Variants in CHN2 observed in about 807,000 individuals in gnomAD.
CHN2 encodes the protein beta-chimaerin.
CHN2 carries 35 observed loss-of-function variants against 56.3 expected under a neutral mutation model. That is an observed-to-expected ratio of 0.62 (90% CI 0.47 to 0.82). The LOEUF (loss-of-function observed/expected upper bound fraction) is 0.82. CHN2 is among the 40% of genes least tolerant of loss of function. The pLI, the probability that CHN2 is intolerant of heterozygous loss-of-function variation, is 0.00. For synonymous variants in CHN2, 210 were observed against 212.8 expected, an observed-to-expected ratio of 0.99 and a Z score of 0.12; for missense variants, 491 against 580.5, an observed-to-expected ratio of 0.85 and a Z score of 1.58.
At chr7:29,212,273 T>C in intron 1 of CHN2, 1 of 1,020,394 alleles carries the variant, frequency 9.8e-7, no homozygotes, top group Non-Finnish European at 1.5e-6. Flanking sequence ...ACCTCTTAAA[T>C]TTTTTCCCCC....
intron 1 of CHN2, among the ~76,000 whole-genome samples, chr7:29,241,326 C>T (rs896568970): frequency 6.6e-6 from 1 of 152,152 alleles, no homozygotes; most frequent in Non-Finnish European, 1.5e-5. Flanking sequence ...CAGGGTCTCT[C>T]ACTAGGCCAG....
chr7:29,311,866 A>G (rs985659012), intron 1 of CHN2, among the ~76,000 whole-genome samples: 8 of 152,256 alleles, frequency 5.3e-5, no homozygotes, highest in Non-Finnish European at 1.0e-4. Flanking sequence ...AATAAGCAAG[A>G]AAACAGATCA....
chr7:29,215,847 A>G (rs1785296238), intron 1 of CHN2, among the ~76,000 whole-genome samples: 1 of 152,114 alleles, frequency 6.6e-6, no homozygotes, highest in African/African-American at 2.4e-5. Flanking sequence ...TTGGCTTTAA[A>G]TTATGCACTC....
intron 1 of CHN2, among the ~76,000 whole-genome samples, chr7:29,349,663 T>G (rs1797726243): frequency 6.6e-6 from 1 of 152,234 alleles, no homozygotes; most frequent in African/African-American, 2.4e-5. Context: ...ATAGAATTGC[T>G]GAGTCAAAAG....
chr7:29,350,988 A>G (rs902759646), intron 1 of CHN2, among the ~76,000 whole-genome samples: 29 of 151,910 alleles, frequency 1.9e-4, no homozygotes, highest in African/African-American at 6.8e-4. Context: ...GGCACTTGCA[A>G]TCCCAGCTGC....
chr7:29,328,701 G>C (rs1795992119), intron 1 of CHN2, among the ~76,000 whole-genome samples: 2 of 151,198 alleles, frequency 1.3e-5, no homozygotes, highest in Admixed American at 1.3e-4. Flanking sequence ...GCAGAAAAAG[G>C]CTAATCCAGA....
At chr7:29,440,103 A>G (rs1216743000) in intron 6 of CHN2, among the ~76,000 whole-genome samples, 1 of 152,212 alleles carries the variant, frequency 6.6e-6, no homozygotes, top group African/African-American at 2.4e-5. Flanking sequence ...ACAAAAATTT[A>G]TGTACACATT....
chr7:29,251,678 A>C (rs1722809917), intron 1 of CHN2, among the ~76,000 whole-genome samples: 1 of 152,212 alleles, frequency 6.6e-6, no homozygotes, highest in South Asian at 2.1e-4. Flanking sequence ...AATATTTGAT[A>C]AACAGAGATT....
intron 2 of CHN2, among the ~76,000 whole-genome samples, chr7:29,360,954 G>A (rs908775227): frequency 2.0e-5 from 3 of 152,188 alleles, no homozygotes; most frequent in Admixed American, 2.0e-4. Context: ...GGTTTCTTGG[G>A]GAGTTAGGGA....
At chr7:29,240,452 A>G (rs929658248) in intron 1 of CHN2, among the ~76,000 whole-genome samples, 3 of 152,258 alleles carry the variant, frequency 2.0e-5, no homozygotes, top group Admixed American at 6.5e-5. Context: ...TTGCAAAATC[A>G]TAGCTGAATG....
rs1018230034 is a variant in CHN2, at chr7:29,357,517, C to A, written c.88+2854C>A. ...TGTTTAATCTTTCAGCAAATACATT[C>A]TAAATGTCAGAGAATAAGTGTTAGA... On this transcript the variant is annotated intron_variant, in intron 2 of 12. Transcript: ENST00000222792. Among the ~76,000 whole-genome samples the A allele has an allele frequency of 4.6e-5, 7 of 152,202 alleles. 1 individual carries two copies. Among genetic ancestry groups the A allele is most frequent in the Admixed American group, 3.3e-4 (5 of 15,280 alleles).
intron 6 of CHN2, chr7:29,479,975 T>C: frequency 1.4e-6 from 2 of 1,462,102 alleles, no homozygotes; most frequent in Non-Finnish European, 1.8e-6. Context: ...TCAGGTCACA[T>C]GCCGGAGGCT....
intron 5 of CHN2, among the ~76,000 whole-genome samples, chr7:29,400,006 C>G (rs1209444600): frequency 6.6e-6 from 1 of 152,122 alleles, no homozygotes; most frequent in Non-Finnish European, 1.5e-5. Context: ...TGCTTCCCTT[C>G]TGCTGCACCA....
At chr7:29,364,895 C>T (rs1259426952) in intron 2 of CHN2, among the ~76,000 whole-genome samples, 1 of 152,136 alleles carries the variant, frequency 6.6e-6, no homozygotes, top group African/African-American at 2.4e-5. Context: ...CTTGTTCCTT[C>T]TAGAGTTTCT....
chr7:29,302,293 C>T (rs940407261), intron 1 of CHN2, among the ~76,000 whole-genome samples: 64 of 150,556 alleles, frequency 4.3e-4, no homozygotes, highest in Non-Finnish European at 7.7e-4. Context: ...TCTTCTTCCT[C>T]CTCTTCTTCC....
In CHN2 at chr7:29,367,922, T is replaced by C. The variant is rs770408077; in HGVS notation, c.89-10T>C. 99 of 1,606,832 alleles carry C rather than the reference T, an allele frequency of 6.2e-5. No individual in the cohort carries two copies. The highest frequency in any genetic ancestry group is 2.5e-4 in the Admixed American group (15 of 58,934). On this transcript the variant is annotated splice_polypyrimidine_tract_variant and intron_variant, in intron 2 of 12. Transcript: ENST00000222792. Reference sequence around the variant, plus strand: ...ATTATTTCTCTCTCTCTCTCTCTCTTTTTTGGCAGTATATCAGTTACAGCA... The same window carrying C: ...ATTATTTCTCTCTCTCTCTCTCTCTCTTTTGGCAGTATATCAGTTACAGCA...
chr7:29,315,392 A>T (rs961956654), intron 1 of CHN2, among the ~76,000 whole-genome samples: 14 of 152,234 alleles, frequency 9.2e-5, no homozygotes, highest in South Asian at 2.1e-4. Flanking sequence ...TCCTAACTTC[A>T]GGTTGAAGGT....
At chr7:29,249,013 C>G (rs1406300834) in intron 1 of CHN2, among the ~76,000 whole-genome samples, 1 of 152,102 alleles carries the variant, frequency 6.6e-6, no homozygotes, top group Non-Finnish European at 1.5e-5. Flanking sequence ...TTCTTTTGCC[C>G]CTGTTTTGGT....
intron 1 of CHN2, among the ~76,000 whole-genome samples, chr7:29,202,658 C>A (rs976345759): frequency 6.6e-6 from 1 of 152,172 alleles, no homozygotes. Context: ...TGGGTGATAA[C>A]CTTATGCAAT....
Sources: allele counts gnomAD v4.1 joint callset (sites outside exome capture counted in the v4.1 genomes callset), GRCh38; gene constraint gnomAD v4.1.1; transcripts MANE v1.5; gene names NCBI Gene and HGNC (gene_info 2026-07-23, HGNC 2026-07-21).